Variants in STPG2 observed in about 807,000 individuals in gnomAD.
The protein encoded by STPG2 is sperm-tail PG-rich repeat-containing protein 2.
Under a neutral mutation model 54.2 loss-of-function variants are expected in STPG2, and 56 were observed. That is an observed-to-expected ratio of 1.03 (90% CI 0.83 to 1.29). The LOEUF (loss-of-function observed/expected upper bound fraction) is 1.29. Among genes scored for constraint, STPG2 ranks in the 50% most tolerant of loss-of-function variants. The pLI, the probability that STPG2 is intolerant of heterozygous loss-of-function variation, is 0.00. For missense variants in STPG2, 596 were observed against 544.9 expected (o/e 1.09, Z -0.93); for synonymous variants, 200 against 181.8 (o/e 1.10, Z -0.81).
chr4:97,579,357 AAAGCATCTTAAAAAATTTTCT>A lies in STPG2; in HGVS notation c.1321-20261_1321-20241del, dbSNP rs1398986423. ...ATTTTGACTAATTATCCTATTCAGG[AAAGCATCTTAAAAAATTTTCT>A]AAGCATCTTAGAAAAAATTTAATCT... On this transcript the variant is annotated intron_variant, in intron 10 of 10. Transcript: ENST00000295268. 2.3e-4 allele frequency among the ~76,000 whole-genome samples: 35 copies of A among 152,152 alleles called. No individual in the cohort carries two copies. In the Middle Eastern group the frequency reaches 0.017, roughly 74 times the overall value.
At chr4:97,462,874 T>C (rs933028183) in intron 4 of STPG2, among the ~76,000 whole-genome samples, 13 of 152,138 alleles carry the variant, frequency 8.5e-5, no homozygotes, top group Non-Finnish European at 4.4e-5. Flanking sequence ...CAGTATAGAA[T>C]TGAATAGCAG....
At chr4:97,974,097 G>C (rs1476367891) in intron 6 of STPG2, among the ~76,000 whole-genome samples, 1 of 152,224 alleles carries the variant, frequency 6.6e-6, no homozygotes, top group African/African-American at 2.4e-5. Flanking sequence ...GCCCAAGACT[G>C]TGGGAACCTA....
chr4:97,474,232 C>T (rs572304358), intron 4 of STPG2, among the ~76,000 whole-genome samples: 27 of 149,926 alleles, frequency 1.8e-4, no homozygotes, highest in East Asian at 7.8e-4. Context: ...TTTCTGTGAA[C>T]GTAAAATTGC....
Position 97,972,326 on chromosome 4 carries a change from GA to G in STPG2, c.886del (p.Ser296ArgfsTer33). 6.2e-7 allele frequency: 1 copy of G among 1,608,448 alleles called. No homozygotes were observed. The highest frequency in any genetic ancestry group is 8.5e-7 in the Non-Finnish European group (1 of 1,177,232). ...GGTAGCACAAGCTTCTTTCTGAACC[GA>G]GAAGAAAGTCCGAGGAACAGAAGAA... is the stretch of plus-strand genomic sequence containing the variant. ...FGSSVPRTFF[S>X]VQKEACATPG... On this transcript the variant is annotated frameshift_variant, in exon 7 of 11. Transcript: ENST00000295268. LOFTEE classifies it high-confidence loss of function.
At chr4:97,937,125 A>C (rs193244542) in intron 8 of STPG2, among the ~76,000 whole-genome samples, 20 of 151,956 alleles carry the variant, frequency 1.3e-4, no homozygotes, top group African/African-American at 4.8e-4. Context: ...TTTCAGCAAG[A>C]CAGTCTTCAA....
chr4:97,554,071 C>A (rs1386480254), downstream of STPG2, among the ~76,000 whole-genome samples: 5 of 152,102 alleles, frequency 3.3e-5, no homozygotes, highest in Admixed American at 3.3e-4. Context: ...AACTTCTGAC[C>A]TATGTTTCCA....
At chr4:97,966,842 A>G (rs1168516656) in intron 7 of STPG2, among the ~76,000 whole-genome samples, 1 of 152,088 alleles carries the variant, frequency 6.6e-6, no homozygotes, top group Non-Finnish European at 1.5e-5. Flanking sequence ...AGAGCCTTAT[A>G]AGAGCTCCTG....
chr4:97,879,193 C>G (rs919574957), intron 8 of STPG2, among the ~76,000 whole-genome samples: 2 of 152,202 alleles, frequency 1.3e-5, no homozygotes, highest in South Asian at 2.1e-4. Context: ...AAGTTCCAAA[C>G]TTTCCCAAAT....
chr4:97,688,692 T>A (rs2148986289), intron 10 of STPG2, among the ~76,000 whole-genome samples: 1 of 152,306 alleles, frequency 6.6e-6, no homozygotes, highest in East Asian at 1.9e-4. Context: ...AGGTCACATG[T>A]TTCTCTGATC....
intron 10 of STPG2, among the ~76,000 whole-genome samples, chr4:97,614,627 G>A (rs1733814351): frequency 6.6e-6 from 1 of 152,074 alleles, no homozygotes; most frequent in Admixed American, 6.6e-5. Context: ...GCTTTGACTG[G>A]ACCACTTCTA....
intron 4 of STPG2, among the ~76,000 whole-genome samples, chr4:97,477,183 T>C (rs1730092806): frequency 6.6e-6 from 1 of 152,228 alleles, no homozygotes; most frequent in African/African-American, 2.4e-5. Flanking sequence ...TGTTTTTTGG[T>C]GTTACTATTT....
At chr4:97,898,976 T>C (rs1346179475) in intron 8 of STPG2, among the ~76,000 whole-genome samples, 1 of 151,588 alleles carries the variant, frequency 6.6e-6, no homozygotes, top group Non-Finnish European at 1.5e-5. Flanking sequence ...GTCAGAGCAA[T>C]CAGGCAAGAG....
intron 5 of STPG2, among the ~76,000 whole-genome samples, chr4:97,998,896 G>A (rs1260459013): frequency 6.6e-6 from 1 of 152,182 alleles, no homozygotes; most frequent in Non-Finnish European, 1.5e-5. Flanking sequence ...AAGACAGAAA[G>A]CATGTCCTGT....
intron 9 of STPG2, among the ~76,000 whole-genome samples, chr4:97,745,135 A>T (rs1578528307): frequency 6.6e-6 from 1 of 151,166 alleles, no homozygotes; most frequent in African/African-American, 2.4e-5. Context: ...ATAATATGGT[A>T]TAAATTACGA....
chr4:97,652,918 T>C (rs1428227428), intron 10 of STPG2, among the ~76,000 whole-genome samples: 1 of 152,050 alleles, frequency 6.6e-6, no homozygotes, highest in African/African-American at 2.4e-5. Flanking sequence ...TACTGGGTAC[T>C]AAGAGAGGAG....
chr4:97,997,303 T>C (rs1560628378), intron 5 of STPG2, among the ~76,000 whole-genome samples: 2 of 152,186 alleles, frequency 1.3e-5, no homozygotes, highest in African/African-American at 4.8e-5. Flanking sequence ...CTGCAGGCTA[T>C]ACAGGAAGCA....
At chr4:97,816,232 A>G (rs1727905514) in intron 9 of STPG2, among the ~76,000 whole-genome samples, 1 of 151,798 alleles carries the variant, frequency 6.6e-6, no homozygotes, top group Admixed American at 6.6e-5. Context: ...ATGGCTGCAT[A>G]GTACTCCATG....
At chr4:97,754,788 C>T (rs1438437587) in intron 9 of STPG2, among the ~76,000 whole-genome samples, 1 of 152,110 alleles carries the variant, frequency 6.6e-6, no homozygotes, top group African/African-American at 2.4e-5. Context: ...TTTCTACAGA[C>T]CTCCACTGCC....
intron 4 of STPG2, among the ~76,000 whole-genome samples, chr4:98,107,661 A>G (rs1578173017): frequency 6.6e-6 from 1 of 152,230 alleles, no homozygotes; most frequent in East Asian, 1.9e-4. Flanking sequence ...CTCAGGCAGA[A>G]GTATAGTGAA....
Sources: allele counts gnomAD v4.1 joint callset (sites outside exome capture counted in the v4.1 genomes callset), GRCh38; gene constraint gnomAD v4.1.1; transcripts MANE v1.5; gene names NCBI Gene and HGNC (gene_info 2026-07-23, HGNC 2026-07-21).